The following TRAPPC8 variants were observed in gnomAD, a reference collection of about 807,000 sequenced individuals.
The protein encoded by TRAPPC8 is general sporulation gene 1 homolog.
A neutral mutation model predicts 174.3 loss-of-function variants in TRAPPC8; 54 were observed. That is an observed-to-expected ratio of 0.31 (90% CI 0.25 to 0.39). The LOEUF (loss-of-function observed/expected upper bound fraction) is 0.39. TRAPPC8 is among the 10% of genes least tolerant of loss of function. TRAPPC8 has a pLI of 1.00. For missense variants in TRAPPC8, 1,531 were observed against 1,699.1 expected (o/e 0.90, Z 1.74); for synonymous variants, 630 against 579.9 (o/e 1.09, Z -1.24).
At chr18:31,870,202 T>C in intron 16 of TRAPPC8, 170 bp downstream of exon 16, 1 of 500,488 alleles carries the variant, frequency 2.0e-6, no homozygotes, top group Non-Finnish European at 3.4e-6. Context: ...TTCCTTATGT[T>C]TTTATGTATT....
chr18:31,939,082 C>CAAAAAAAA lies in TRAPPC8; in HGVS notation c.157+3518_157+3525dup, dbSNP rs397963630. ...CTGGTGACAGAGCGAGACTCCGTCT[C>CAAAAAAAA]AAAAAAAAAAAAAAAAAAAAAAGCT... is the stretch of plus-strand genomic sequence containing the variant. On this transcript the variant is annotated intron_variant, in intron 1 of 28. Coordinates refer to ENST00000283351, the MANE Select transcript of TRAPPC8 (RefSeq NM_014939.5). Among the ~76,000 whole-genome samples the CAAAAAAAA allele has an allele frequency of 4.4e-5, 3 of 68,090 alleles. 1 individual carries two copies. The highest frequency in any genetic ancestry group is 7.7e-5 in the Non-Finnish European group (3 of 38,718). The allele number at this position is 68,090 out of a possible 152,430, so 44.7% of individuals were successfully genotyped here. A position where few individuals can be genotyped will look rare whatever the true frequency, so the allele number is the denominator to read the frequency against.
intron 12 of TRAPPC8, 33 bp from the exon 13 acceptor site, chr18:31,874,737 C>T (rs1476659447): frequency 1.3e-6 from 2 of 1,571,532 alleles, no homozygotes; most frequent in Non-Finnish European, 8.6e-7. Flanking sequence ...ATGTATTATA[C>T]TCCAAATTTG....
Position 31,942,820 on chromosome 18 carries a change from C to T in TRAPPC8, c.-56G>A, listed in dbSNP as rs2038409739. 1.6e-6 allele frequency: 2 copies of T among 1,286,582 alleles called. No homozygotes were observed. The highest frequency in any genetic ancestry group is 3.1e-5 in the East Asian group (1 of 32,096). 79.7% of individuals were successfully genotyped at this position (1,286,582 alleles called of 1,614,324 possible). On this transcript the variant is annotated 5_prime_UTR_variant, in exon 1 of 29. Transcript: ENST00000283351. The stretch of plus-strand genomic sequence containing the variant: ...CCTCCGGCCCACCCTGCGAGGTTAT[C>T]CTGCGGCTGCAGCAGCTACCGCCGC...
At chr18:31,872,341 C>G (rs145214041) in intron 14 of TRAPPC8, among the ~76,000 whole-genome samples, 43 of 152,172 alleles carry the variant, frequency 2.8e-4, no homozygotes, top group African/African-American at 1.0e-3. Context: ...ACAAGAACAG[C>G]AGAACATTGG....
At chr18:31,860,331 C>T (rs910327472) in intron 19 of TRAPPC8, among the ~76,000 whole-genome samples, 1 of 151,842 alleles carries the variant, frequency 6.6e-6, no homozygotes, top group Non-Finnish European at 1.5e-5. Flanking sequence ...TTCTCTGCTT[C>T]TCTACATGTT....
chr18:31,864,356 C>A (rs534464147), intron 19 of TRAPPC8, among the ~76,000 whole-genome samples: 2 of 152,108 alleles, frequency 1.3e-5, no homozygotes, highest in South Asian at 4.1e-4. Flanking sequence ...AAGAGTCACT[C>A]ATTTTTAAAA....
chr18:31,917,911 GTCA>G (rs2037218857), intron 2 of TRAPPC8, among the ~76,000 whole-genome samples: 1 of 152,122 alleles, frequency 6.6e-6, no homozygotes, highest in Admixed American at 6.6e-5. Context: ...ATCACATGAG[GTCA>G]GGAGTTCGAG....
chr18:31,863,789 A>ATT (rs1568059966), intron 19 of TRAPPC8, among the ~76,000 whole-genome samples: 3 of 151,980 alleles, frequency 2.0e-5, no homozygotes, highest in African/African-American at 7.2e-5. Context: ...CCTCAGGTAT[A>ATT]AGCCTGATCC....
At position 31,931,411 on chromosome 18, in the gene TRAPPC8, A is replaced by G; in HGVS notation, c.270T>C (p.Asn90=). 6.2e-7 allele frequency: 1 copy of G among 1,613,092 alleles called. No homozygotes were observed. The highest frequency in any genetic ancestry group is 8.5e-7 in the Non-Finnish European group (1 of 1,179,432). The change falls in exon 2 of 29, where the codon AAT becomes AAC. Residue 90 remains asparagine, a synonymous_variant. Transcript: ENST00000283351. ...CAGGCTGACTGCCAGAAACAACATC[A>G]TTCAAAAGCTTCCGGATGGCTCCAG... ...PQPGAIRKLL[N]DVVSGSQPAE... is the part of the protein sequence containing the mutation.
At chr18:31,867,047 A>G in intron 17 of TRAPPC8, 72 bp from the exon 18 acceptor site, 3 of 1,500,314 alleles carry the variant, frequency 2.0e-6, no homozygotes, top group Non-Finnish European at 2.7e-6. Flanking sequence ...TAATTCTATA[A>G]TGTTGCAAAA....
At chr18:31,936,730 T>C (rs2038114958) in intron 1 of TRAPPC8, among the ~76,000 whole-genome samples, 1 of 150,704 alleles carries the variant, frequency 6.6e-6, no homozygotes, top group Non-Finnish European at 1.5e-5. Context: ...AGCAAAACCC[T>C]GTCTCTACTA....
At chr18:31,850,385 A>G (rs2033648113) in intron 24 of TRAPPC8, among the ~76,000 whole-genome samples, 1 of 152,140 alleles carries the variant, frequency 6.6e-6, no homozygotes, top group South Asian at 2.1e-4. Flanking sequence ...AATGTTGAAA[A>G]CCTGTATTTT....
At chr18:31,855,946 T>G (rs2033984036) in intron 20 of TRAPPC8, 139 bp from the exon 21 acceptor site, 1 of 926,976 alleles carries the variant, frequency 1.1e-6, no homozygotes, top group Admixed American at 3.5e-5. Flanking sequence ...ATACATTAAG[T>G]AAAATTACAT....
intron 1 of TRAPPC8, among the ~76,000 whole-genome samples, chr18:31,934,802 G>C (rs1243426583): frequency 6.6e-6 from 1 of 151,408 alleles, no homozygotes; most frequent in East Asian, 2.0e-4. Flanking sequence ...GGGAGGCAGA[G>C]GTTGCACTGA....
chr18:31,882,289 T>TG (rs1186961582), intron 12 of TRAPPC8, among the ~76,000 whole-genome samples: 1 of 152,172 alleles, frequency 6.6e-6, no homozygotes, highest in Non-Finnish European at 1.5e-5. Flanking sequence ...AAGAATGGTA[T>TG]CATATCCTTT....
intron 9 of TRAPPC8, among the ~76,000 whole-genome samples, chr18:31,906,468 C>T (rs1000296736): frequency 2.6e-5 from 4 of 151,936 alleles, no homozygotes; most frequent in Non-Finnish European, 4.4e-5. Context: ...AGTTATTAAA[C>T]AAGTATCTGT....
Position 31,908,287 on chromosome 18 carries a change from A to G in TRAPPC8, c.1238+16T>C, listed in dbSNP as rs892909319. ...GTTAAACAGAGGAAAAACAAAAATGATAACACTTTACTCACAGCAAGCCAG... is the reference window on the plus strand; with the variant it reads ...GTTAAACAGAGGAAAAACAAAAATGGTAACACTTTACTCACAGCAAGCCAG... On this transcript the variant is annotated intron_variant, in intron 8 of 28. Transcript: ENST00000283351. The G allele has an allele frequency of 7.8e-6, 12 of 1,542,748 alleles. No homozygotes were observed. The highest frequency in any genetic ancestry group is 2.4e-5 in the South Asian group (2 of 83,040).
At chr18:31,932,434 A>G (rs1433239725) in intron 1 of TRAPPC8, among the ~76,000 whole-genome samples, 1 of 151,896 alleles carries the variant, frequency 6.6e-6, no homozygotes, top group Non-Finnish European at 1.5e-5. Context: ...CTCCAAAAAA[A>G]AAAAAACAAC....
intron 2 of TRAPPC8, among the ~76,000 whole-genome samples, chr18:31,923,326 A>G (rs1026462818): frequency 6.6e-6 from 1 of 152,192 alleles, no homozygotes; most frequent in African/African-American, 2.4e-5. Context: ...GGTGAGAAAA[A>G]TCTAGAAAAC....
Sources: gnomAD v4.1 joint callset for allele counts (sites outside exome capture counted in the v4.1 genomes callset) on GRCh38, gnomAD v4.1.1 for gene constraint, MANE v1.5 for transcripts, NCBI Gene and HGNC (gene_info 2026-07-23, HGNC 2026-07-21) for gene names.